Variants in MIPEP observed in about 807,000 individuals in gnomAD.
MIPEP encodes the protein mitochondrial intermediate peptidase.
A neutral mutation model predicts 90.3 loss-of-function variants in MIPEP; 79 were observed. The ratio of observed to expected loss-of-function variants is 0.87; its 90% CI spans 0.73 to 1.05. The LOEUF (loss-of-function observed/expected upper bound fraction) is 1.05, where lower values mean the gene tolerates loss of function less well. Among genes scored for constraint, MIPEP ranks in the 50% least tolerant of loss-of-function variants. MIPEP has a pLI of 0.00. For synonymous variants in MIPEP, 334 were observed against 315.8 expected (o/e 1.06, Z -0.61); for missense variants, 940 against 905.6 (o/e 1.04, Z -0.49).
intron 10 of MIPEP, among the ~76,000 whole-genome samples, chr13:23,843,617 A>G (rs1869404053): frequency 6.6e-6 from 1 of 152,188 alleles, no homozygotes; most frequent in African/African-American, 2.4e-5. Context: ...CATTTGGGAG[A>G]CAGCTTCTGT....
chr13:23,848,920 A>C (rs1869673899), intron 10 of MIPEP, among the ~76,000 whole-genome samples: 1 of 152,216 alleles, frequency 6.6e-6, no homozygotes, highest in Admixed American at 6.5e-5. Context: ...AAAAAGCTAC[A>C]GGGTGTTTCC....
intron 14 of MIPEP, among the ~76,000 whole-genome samples, chr13:23,811,692 T>G (rs148008268): frequency 4.5e-4 from 68 of 152,182 alleles, no homozygotes; most frequent in African/African-American, 1.5e-3. Flanking sequence ...AAAGAACTGG[T>G]CTTTGAGATA....
At chr13:23,779,585 C>G (rs1162219333) in intron 16 of MIPEP, among the ~76,000 whole-genome samples, 1 of 152,110 alleles carries the variant, frequency 6.6e-6, no homozygotes, top group Non-Finnish European at 1.5e-5. Context: ...AGGATCATCT[C>G]ACTGGGGCTC....
At chr13:23,851,785 C>G (rs1163414474) in intron 10 of MIPEP, among the ~76,000 whole-genome samples, 1 of 151,944 alleles carries the variant, frequency 6.6e-6, no homozygotes, top group Non-Finnish European at 1.5e-5. Flanking sequence ...GCCTTGAACT[C>G]CAGGATTCGA....
intron 16 of MIPEP, among the ~76,000 whole-genome samples, chr13:23,788,861 A>C (rs1952874095): frequency 6.6e-6 from 1 of 152,182 alleles, no homozygotes; most frequent in Non-Finnish European, 1.5e-5. Flanking sequence ...CCCTCCTTTT[A>C]AACAAATTTA....
chr13:23,854,101 G>A (rs563779321), intron 10 of MIPEP, among the ~76,000 whole-genome samples: 23 of 151,512 alleles, frequency 1.5e-4, no homozygotes, highest in East Asian at 2.0e-4. Context: ...CGAGGTGGGC[G>A]GATCACAAGT....
At position 23,769,145 on chromosome 13, in the gene MIPEP, C is replaced by A. The variant is rs1361995208; in HGVS notation, c.1849-8928G>T. ...ATTGCCCCGTCATTCTAAAGGAACC[C>A]ATGCTAACATTGGGAAAGTGTCAGA... On this transcript the variant is annotated intron_variant, in intron 16 of 18. Coordinates refer to ENST00000382172, the MANE Select transcript of MIPEP (RefSeq NM_005932.4). Among the ~76,000 whole-genome samples, 26 of 152,110 alleles carry A rather than the reference C, an allele frequency of 1.7e-4. 1 individual carries two copies. Among genetic ancestry groups the A allele is most frequent in the Non-Finnish European group, 2.4e-4 (16 of 68,020 alleles).
chr13:23,801,506 G>A (rs1414194683), intron 16 of MIPEP, among the ~76,000 whole-genome samples: 2 of 152,158 alleles, frequency 1.3e-5, no homozygotes, highest in Admixed American at 6.5e-5. Flanking sequence ...TAGAAAGAAT[G>A]ACAAAGTCAT....
chr13:23,851,763 T>G (rs1869810164), intron 10 of MIPEP, among the ~76,000 whole-genome samples: 1 of 151,858 alleles, frequency 6.6e-6, no homozygotes, highest in Non-Finnish European at 1.5e-5. Flanking sequence ...GGCATGACCA[T>G]AACTTGCTGC....
chr13:23,752,863 A>G (rs1053239001), intron 18 of MIPEP, among the ~76,000 whole-genome samples: 2 of 152,170 alleles, frequency 1.3e-5, no homozygotes, highest in African/African-American at 4.8e-5. Flanking sequence ...CAATCTGCAA[A>G]GCTACTGCCA....
chr13:23,752,619 G>T (rs771055133), intron 18 of MIPEP, among the ~76,000 whole-genome samples: 1 of 152,144 alleles, frequency 6.6e-6, no homozygotes, highest in Non-Finnish European at 1.5e-5. Context: ...TCAGAAATGT[G>T]ATTTAACATA....
At chr13:23,869,240 C>T in intron 7 of MIPEP, 52 bp downstream of exon 7, 1 of 1,464,576 alleles carries the variant, frequency 6.8e-7, no homozygotes. Flanking sequence ...ATCAAAAGCT[C>T]AGTTTCATAA....
chr13:23,863,358 T>C (rs890036824), intron 8 of MIPEP, among the ~76,000 whole-genome samples: 4 of 152,128 alleles, frequency 2.6e-5, no homozygotes, highest in African/African-American at 7.2e-5. Context: ...GCCTCCCTAA[T>C]CTGAAAATCT....
chr13:23,850,364 T>C (rs1281374393), intron 10 of MIPEP, among the ~76,000 whole-genome samples: 3 of 152,192 alleles, frequency 2.0e-5, no homozygotes, highest in Non-Finnish European at 2.9e-5. Context: ...ACTGGAAACC[T>C]GTTTGCCCTT....
At chr13:23,778,713 C>CAGTAAT (rs139792002) in intron 16 of MIPEP, among the ~76,000 whole-genome samples, 3 of 150,898 alleles carry the variant, frequency 2.0e-5, no homozygotes, top group Non-Finnish European at 4.4e-5. Context: ...ATTATACTGA[C>CAGTAAT]AATAATAATA....
chr13:23,746,627 C>A (rs1952386927), intron 18 of MIPEP, among the ~76,000 whole-genome samples: 1 of 132,776 alleles, frequency 7.5e-6, no homozygotes, highest in African/African-American at 2.7e-5. Flanking sequence ...GAGAGAGACT[C>A]CCTCTCAAAA....
chr13:23,884,932 T>C (rs1165086352), intron 2 of MIPEP, among the ~76,000 whole-genome samples: 1 of 151,834 alleles, frequency 6.6e-6, no homozygotes, highest in African/African-American at 2.4e-5. Flanking sequence ...TAACCAAGAG[T>C]CAGCTCCTTC....
intron 2 of MIPEP, among the ~76,000 whole-genome samples, chr13:23,882,539 T>C (rs984047634): frequency 5.9e-5 from 9 of 152,204 alleles, no homozygotes; most frequent in African/African-American, 1.9e-4. Flanking sequence ...TGCTGCTACT[T>C]AAGTCATTAG....
chr13:23,832,409 A>T (rs1261913620), intron 14 of MIPEP, among the ~76,000 whole-genome samples: 1 of 152,164 alleles, frequency 6.6e-6, no homozygotes, highest in African/African-American at 2.4e-5. Flanking sequence ...ATTCTAAGGA[A>T]CAGAGAACAG....
Sources: gnomAD v4.1 joint callset for allele counts (sites outside exome capture counted in the v4.1 genomes callset) on GRCh38, gnomAD v4.1.1 for gene constraint, MANE v1.5 for transcripts, NCBI Gene and HGNC (gene_info 2026-07-23, HGNC 2026-07-21) for gene names.